The following MYOZ2 variants were observed in gnomAD, a reference collection of about 807,000 sequenced individuals.
MYOZ2 encodes myozenin-2.
Under a neutral mutation model 25.4 loss-of-function variants are expected in MYOZ2, and 19 were observed. The observed-to-expected ratio is 0.75, with a 90% CI of 0.52 to 1.10. The LOEUF (loss-of-function observed/expected upper bound fraction) is 1.10, where lower values mean the gene tolerates loss of function less well. Ranked by LOEUF, MYOZ2 falls within the 50% of genes least tolerant of loss-of-function variation. The pLI is 0.00. For synonymous variants in MYOZ2, 92 were observed against 106.9 expected (o/e 0.86, Z 0.86); for missense variants, 270 against 317.9 (o/e 0.85, Z 1.15).
chr4:119,185,846 C>T lies in MYOZ2; in HGVS notation c.561-120C>T, dbSNP rs1742281513. The stretch of plus-strand genomic sequence containing the variant: ...CAGTCATTCATAGAATATAAGTAAG[C>T]CCATAAAATAATGAATTAAATACAC... On this transcript the variant is annotated intron_variant, in intron 5 of 5. Transcript: ENST00000307128. 3.8e-6 allele frequency: 3 copies of T among 792,478 alleles called. No individual in the cohort carries two copies. In the Admixed American group the frequency reaches 6.8e-5, roughly 18 times the overall value. 49.1% of individuals were successfully genotyped at this position (792,478 alleles called of 1,614,324 possible).
intron 5 of MYOZ2, among the ~76,000 whole-genome samples, chr4:119,177,413 C>T (rs1742096302): frequency 6.6e-6 from 1 of 152,154 alleles, no homozygotes; most frequent in South Asian, 2.1e-4. Flanking sequence ...ACAACATTCT[C>T]TAGCAAATTC....
In MYOZ2 at chr4:119,158,051, G is replaced by C; in HGVS notation, c.276G>C (p.Val92=). ...NHSIAMQNGK[V]DGSNLEGGSQ... is the part of the protein sequence containing the mutation. The stretch of plus-strand genomic sequence containing the variant: ...GTATTGCTATGCAGAATGGGAAAGT[G>C]GATGGAAGTAACTTGGAAGGTGGTT... The change falls in exon 4 of 6, where the codon GTG becomes GTC. Residue 92 remains valine, a synonymous_variant. Coordinates refer to ENST00000307128, the MANE Select transcript of MYOZ2 (RefSeq NM_016599.5). The C allele has an allele frequency of 6.2e-7, 1 of 1,613,986 alleles. No individual in the cohort carries two copies. The highest frequency in any genetic ancestry group is 1.1e-5 in the South Asian group (1 of 91,082).
chr4:119,136,806 G>A (rs1394932992), intron 2 of MYOZ2, among the ~76,000 whole-genome samples: 3 of 152,088 alleles, frequency 2.0e-5, no homozygotes, highest in African/African-American at 7.2e-5. Context: ...TATTTTCAGA[G>A]GAACAACTGC....
Position 119,186,055 on chromosome 4 carries a change from C to G in MYOZ2, c.650C>G (p.Pro217Arg), listed in dbSNP as rs901639643. The change falls in exon 6 of 6, where the codon CCC becomes CGC. Residue 217 changes from proline to arginine, a missense_variant. Physicochemically the swap from Pro to Arg is moderately radical, Grantham distance 103. Transcript: ENST00000307128. ...PDFELLLLTD[P>R]RFMSFVNPLS... ...TTTGAGCTACTATTGCTAACAGATC[C>G]CAGGTTTATGTCCTTTGTCAATCCC... The G allele has an allele frequency of 1.2e-6, 2 of 1,613,800 alleles. No homozygotes were observed. Among genetic ancestry groups the G allele is most frequent in the Non-Finnish European group, 1.7e-6 (2 of 1,179,976 alleles).
rs1742316975 is a variant in MYOZ2, at chr4:119,187,367, T to C, written c.*1167T>C. ...TAGCAGAGAAGAAATGTCTCATCAA[T>C]AGAAAACTATCAGATAAAGTTTAGG... On this transcript the variant is annotated 3_prime_UTR_variant, in exon 6 of 6. Coordinates refer to ENST00000307128, the MANE Select transcript of MYOZ2 (RefSeq NM_016599.5). 6.6e-6 allele frequency: 1 copy of C among 152,096 alleles called. No individual in the cohort carries two copies. Among genetic ancestry groups the C allele is most frequent in the African/African-American group, 2.4e-5 (1 of 41,434 alleles). 9.4% of individuals were successfully genotyped at this position (152,096 alleles called of 1,614,324 possible).
At chr4:119,166,458 A>G (rs1309260298) in intron 5 of MYOZ2, among the ~76,000 whole-genome samples, 1 of 151,888 alleles carries the variant, frequency 6.6e-6, no homozygotes, top group Admixed American at 6.6e-5. Context: ...GCAATGAGCT[A>G]TAATCACACC....
At chr4:119,167,310 T>C (rs896030830) in intron 5 of MYOZ2, among the ~76,000 whole-genome samples, 3 of 152,200 alleles carry the variant, frequency 2.0e-5, no homozygotes, top group Non-Finnish European at 2.9e-5. Flanking sequence ...TTTCCATAAT[T>C]TAGCCAAAAC....
chr4:119,152,504 T>C (rs1741477366), intron 3 of MYOZ2, among the ~76,000 whole-genome samples: 1 of 152,118 alleles, frequency 6.6e-6, no homozygotes, highest in Non-Finnish European at 1.5e-5. Flanking sequence ...ACTACAATTC[T>C]GAAGAAAGGT....
chr4:119,156,371 G>T (rs948618225), intron 3 of MYOZ2, among the ~76,000 whole-genome samples: 12 of 151,654 alleles, frequency 7.9e-5, no homozygotes, highest in Admixed American at 3.3e-4. Flanking sequence ...TTGGTTTTAA[G>T]CTTAGGGTAC....
At chr4:119,138,866 T>A (rs553011164) in intron 2 of MYOZ2, among the ~76,000 whole-genome samples, 70 of 152,132 alleles carry the variant, frequency 4.6e-4, no homozygotes, top group Non-Finnish European at 8.7e-4. Context: ...CCCATTCTTG[T>A]AGGGGAAAGA....
intron 2 of MYOZ2, among the ~76,000 whole-genome samples, chr4:119,140,290 C>T (rs1013889735): frequency 4.6e-5 from 7 of 152,196 alleles, no homozygotes; most frequent in African/African-American, 1.7e-4. Flanking sequence ...ACCGCTTTTA[C>T]TTCTCTTGTA....
rs114113998 is a variant in MYOZ2, at chr4:119,181,741, C to T, written c.561-4225C>T. Among the ~76,000 whole-genome samples, 1,265 of 152,120 alleles carry T rather than the reference C, an allele frequency of 8.3e-3. 16 individuals are homozygous for T. Among genetic ancestry groups the T allele is most frequent in the African/African-American group, 0.029 (1,187 of 41,490 alleles). On this transcript the variant is annotated intron_variant, in intron 5 of 5. Coordinates refer to ENST00000307128, the MANE Select transcript of MYOZ2 (RefSeq NM_016599.5). ...GAGTATATATGTATTAAACATTCTG[C>T]AGGCAAGAGCCCAGAATTTAATACA...
chr4:119,184,642 C>T (rs1742256015), intron 5 of MYOZ2, among the ~76,000 whole-genome samples: 1 of 152,188 alleles, frequency 6.6e-6, no homozygotes, highest in East Asian at 1.9e-4. Flanking sequence ...AATGTAAGAA[C>T]TAAGACTTTG....
chr4:119,176,974 A>G lies in MYOZ2; in HGVS notation c.561-8992A>G, dbSNP rs977396571. ...AGCCAGTGCTGCTATCTGTGACCAC[A>G]CACTGAGTACTGGGAGGCGGAGGTT... On this transcript the variant is annotated intron_variant, in intron 5 of 5. Coordinates refer to ENST00000307128, the MANE Select transcript of MYOZ2 (RefSeq NM_016599.5). Among the ~76,000 whole-genome samples the G allele has an allele frequency of 2.0e-5, 3 of 152,174 alleles. No homozygotes were observed. In the South Asian group the frequency reaches 6.2e-4, roughly 31 times the overall value.
chr4:119,159,812 T>C (rs993394327), intron 4 of MYOZ2, among the ~76,000 whole-genome samples: 1 of 152,144 alleles, frequency 6.6e-6, no homozygotes, highest in African/African-American at 2.4e-5. Context: ...GCATTCTTAA[T>C]GAGCACGATG....
chr4:119,142,310 C>G (rs571408069), intron 2 of MYOZ2, among the ~76,000 whole-genome samples: 1 of 149,350 alleles, frequency 6.7e-6, no homozygotes, highest in Non-Finnish European at 1.5e-5. Flanking sequence ...CGTAACGTCT[C>G]TTCTATCTTT....
At chr4:119,136,735 G>A in intron 2 of MYOZ2, 134 bp downstream of exon 2, 2 of 932,100 alleles carry the variant, frequency 2.1e-6, no homozygotes, top group Admixed American at 2.1e-5. Context: ...GGAGCTCTAG[G>A]GGGTGTAGAA....
At chr4:119,156,377 G>A (rs906548221) in intron 3 of MYOZ2, among the ~76,000 whole-genome samples, 1 of 151,484 alleles carries the variant, frequency 6.6e-6, no homozygotes, top group African/African-American at 2.4e-5. Context: ...TTAAGCTTAG[G>A]GTACATCTTT....
chr4:119,151,105 G>T, intron 3 of MYOZ2, 64 bp downstream of exon 3: 1 of 1,486,180 alleles, frequency 6.7e-7, no homozygotes, highest in South Asian at 1.1e-5. Flanking sequence ...TTGTATTTAT[G>T]ACTAGTTTCT....
Sources: allele counts gnomAD v4.1 joint callset (sites outside exome capture counted in the v4.1 genomes callset), GRCh38; gene constraint gnomAD v4.1.1; transcripts MANE v1.5; gene names NCBI Gene and HGNC (gene_info 2026-07-23, HGNC 2026-07-21).